GALNT18: variants seen among roughly 807,000 people sequenced by gnomAD.
The protein encoded by GALNT18 is polypeptide N-acetylgalactosaminyltransferase 18, also known as GalNAc-transferase 18.
GALNT18 carries 44 observed loss-of-function variants against 69.5 expected under a neutral mutation model. That is an observed-to-expected ratio of 0.63 (90% CI 0.50 to 0.81). GALNT18 has a LOEUF of 0.81. Among genes scored for constraint, GALNT18 ranks in the 40% least tolerant of loss-of-function variants. The pLI is 0.00. For missense variants in GALNT18, 715 were observed against 810.0 expected (o/e 0.88, Z 1.42); for synonymous variants, 364 against 318.2 (o/e 1.14, Z -1.53).
At chr11:11,324,247 G>A (rs190976199) in intron 9 of GALNT18, among the ~76,000 whole-genome samples, 64 of 152,302 alleles carry the variant, frequency 4.2e-4, no homozygotes, top group African/African-American at 1.4e-3. Context: ...TGCAGGCAAT[G>A]TCTACTAAAC....
In GALNT18 at chr11:11,353,260, C is replaced by T. The variant is rs577098272; in HGVS notation, c.1093-12256G>A. On this transcript the variant is annotated intron_variant, in intron 6 of 10. Transcript: ENST00000227756. ...GTGGAAGCGGCAGCGGCTGTGGCCGCTCTCCCTTCTGCTCACACAGACAAT... is the reference window on the plus strand; with the variant it reads ...GTGGAAGCGGCAGCGGCTGTGGCCGTTCTCCCTTCTGCTCACACAGACAAT... The T allele has an allele frequency of 7.0e-4, 712 of 1,013,660 alleles. 4 individuals carry two copies. The highest frequency in any genetic ancestry group is 3.8e-3 in the South Asian group (245 of 63,694). The allele number at this position is 1,013,660 out of a possible 1,614,324, so 62.8% of individuals were successfully genotyped here.
chr11:11,400,894 C>T (rs1854447958), intron 3 of GALNT18, among the ~76,000 whole-genome samples: 1 of 152,030 alleles, frequency 6.6e-6, no homozygotes, highest in Non-Finnish European at 1.5e-5. Flanking sequence ...GTATGCACCA[C>T]TGAGTTACTG....
At chr11:11,487,929 G>T (rs114639332) in intron 1 of GALNT18, among the ~76,000 whole-genome samples, 2,226 of 152,272 alleles carry the variant, frequency 0.015, 31 homozygotes, top group African/African-American at 0.031. Flanking sequence ...AGTGAATAAG[G>T]TGATGAAAAT....
rs547489125 is a variant in GALNT18, at chr11:11,336,801, G to C, written c.1279-3970C>G. ...TCGTAAACACTGTGTATACAAATAG[G>C]AATATGTCACACTCTCGGCCTGAAA... is the stretch of plus-strand genomic sequence containing the variant. On this transcript the variant is annotated intron_variant, in intron 7 of 10. Coordinates refer to ENST00000227756, the MANE Select transcript of GALNT18 (RefSeq NM_198516.3). Among the ~76,000 whole-genome samples the C allele has an allele frequency of 3.3e-3, 499 of 152,246 alleles. 4 individuals are homozygous for C. Among genetic ancestry groups the C allele is most frequent in the African/African-American group, 0.012 (478 of 41,534 alleles).
chr11:11,343,859 G>C (rs1190508556), intron 6 of GALNT18, among the ~76,000 whole-genome samples: 2 of 152,200 alleles, frequency 1.3e-5, no homozygotes, highest in African/African-American at 4.8e-5. Flanking sequence ...ATTCTAATCA[G>C]AATGGTGGTG....
chr11:11,273,791 C>T (rs189546712), intron 10 of GALNT18, among the ~76,000 whole-genome samples: 7 of 152,226 alleles, frequency 4.6e-5, no homozygotes, highest in Admixed American at 4.6e-4. Context: ...TGGAATCAAC[C>T]TAAGTATCCA....
chr11:11,286,745 T>C (rs1241374795), intron 10 of GALNT18, among the ~76,000 whole-genome samples: 3 of 152,146 alleles, frequency 2.0e-5, no homozygotes, highest in African/African-American at 7.2e-5. Flanking sequence ...CTCTAGTCTG[T>C]TGGCTGATGG....
intron 3 of GALNT18, among the ~76,000 whole-genome samples, chr11:11,390,965 C>G (rs1408365568): frequency 1.3e-5 from 2 of 152,224 alleles, no homozygotes; most frequent in African/African-American, 4.8e-5. Context: ...CAAGACAATG[C>G]CTGGCATGTT....
At chr11:11,612,461 T>C (rs569885884) in intron 1 of GALNT18, among the ~76,000 whole-genome samples, 15 of 152,362 alleles carry the variant, frequency 9.8e-5, no homozygotes, top group Admixed American at 7.8e-4. Context: ...CTAACTCTCA[T>C]ATCCATTGGC....
At position 11,619,643 on chromosome 11, in the gene GALNT18, T is replaced by C. The variant is rs556908719; in HGVS notation, c.235+1716A>G. ...CTGTGAATGAAAATCTCAAAATCTG[T>C]CGGCAAACTAGAAATGTCAAAGTAA... On this transcript the variant is annotated intron_variant, in intron 1 of 10. Transcript: ENST00000227756. This position sits in a 1 kb window ranked among gnomAD's most constrained non-coding sequence, Gnocchi z 4.9. Among the ~76,000 whole-genome samples, 1 of 152,280 alleles carries C rather than the reference T, an allele frequency of 6.6e-6. No homozygotes were observed. The highest frequency in any genetic ancestry group is 1.9e-4 in the East Asian group (1 of 5,180).
At position 11,436,506 on chromosome 11, in the gene GALNT18, C is replaced by T. The variant is rs79656635; in HGVS notation, c.429-3719G>A. On this transcript the variant is annotated intron_variant, in intron 2 of 10. Transcript: ENST00000227756. This position sits in a 1 kb window ranked among gnomAD's most constrained non-coding sequence, Gnocchi z 4.5. ...GCCTATACCACCAGCTCTGAGGGCACAGACTGGCCTTGCTCACAGCCTCCT... is the reference window on the plus strand; with the variant it reads ...GCCTATACCACCAGCTCTGAGGGCATAGACTGGCCTTGCTCACAGCCTCCT... Among the ~76,000 whole-genome samples the T allele has an allele frequency of 4.2e-3, 633 of 152,302 alleles. 2 individuals are homozygous for T. Among genetic ancestry groups the T allele is most frequent in the Non-Finnish European group, 5.8e-3 (392 of 68,028 alleles).
At chr11:11,565,223 G>A (rs1316546882) in intron 1 of GALNT18, among the ~76,000 whole-genome samples, 1 of 152,234 alleles carries the variant, frequency 6.6e-6, no homozygotes, top group Non-Finnish European at 1.5e-5. Flanking sequence ...GTGAGATGAT[G>A]CTCAGCACAC....
chr11:11,386,008 A>G (rs77130215), intron 3 of GALNT18, among the ~76,000 whole-genome samples: 2,054 of 152,234 alleles, frequency 0.013, 38 homozygotes, highest in African/African-American at 0.047. Context: ...CCTGTCAAAG[A>G]TGGCCAGCAA....
intron 3 of GALNT18, among the ~76,000 whole-genome samples, chr11:11,412,288 C>A (rs1040861793): frequency 2.0e-5 from 3 of 152,200 alleles, no homozygotes; most frequent in Admixed American, 6.5e-5. Context: ...TAGGGCCCTA[C>A]TAGACCCCTA....
rs1193139200 is a variant in GALNT18 at position 11,598,335 on chromosome 11, C to T, written c.235+23024G>A. 6.6e-6 allele frequency among the ~76,000 whole-genome samples: 1 copy of T among 152,136 alleles called. No homozygotes were observed. The highest frequency in any genetic ancestry group is 2.4e-5 in the African/African-American group (1 of 41,432). On this transcript the variant is annotated intron_variant, in intron 1 of 10. Transcript: ENST00000227756. The surrounding 1 kb of genome is among the most constrained non-coding windows in gnomAD (Gnocchi z 4.8). The stretch of plus-strand genomic sequence containing the variant: ...CCAGAAGTCCAAAATTAGTCTTACT[C>T]GAGGCAAAATCAAGGTGTCAGCAGG...
chr11:11,380,734 A>G (rs1467918556), intron 3 of GALNT18, among the ~76,000 whole-genome samples: 1 of 152,254 alleles, frequency 6.6e-6, no homozygotes, highest in African/African-American at 2.4e-5. Flanking sequence ...GAGTCAAAAC[A>G]AAGAATCTTA....
intron 1 of GALNT18, among the ~76,000 whole-genome samples, chr11:11,560,245 GATAT>G: frequency 6.6e-6 from 1 of 152,132 alleles, no homozygotes; most frequent in East Asian, 1.9e-4. Context: ...AATAGAATGA[GATAT>G]GATGGGATGG....
rs1360547721 is a variant in GALNT18, at chr11:11,596,141, T to C, written c.235+25218A>G. The stretch of plus-strand genomic sequence containing the variant: ...TCCAGCACCATGTGTTAAAAGACTA[T>C]TCTTTCCCCCCTTTAAATTGTTTGA... On this transcript the variant is annotated intron_variant, in intron 1 of 10. Transcript: ENST00000227756. The surrounding 1 kb of genome is among the most constrained non-coding windows in gnomAD (Gnocchi z 4.2). Among the ~76,000 whole-genome samples the C allele has an allele frequency of 1.3e-5, 2 of 152,204 alleles. No homozygotes were observed. Among genetic ancestry groups the C allele is most frequent in the Non-Finnish European group, 2.9e-5 (2 of 68,034 alleles).
chr11:11,609,377 G>A (rs1274961260), intron 1 of GALNT18, among the ~76,000 whole-genome samples: 3 of 152,174 alleles, frequency 2.0e-5, no homozygotes, highest in Non-Finnish European at 4.4e-5. Context: ...TGCACTGGCT[G>A]TTCCCTCCGC....
Sources: allele counts gnomAD v4.1 joint callset (sites outside exome capture counted in the v4.1 genomes callset), GRCh38; gene constraint gnomAD v4.1.1; non-coding constraint Gnocchi (gnomAD v3.1); transcripts MANE v1.5; gene names NCBI Gene and HGNC (gene_info 2026-07-23, HGNC 2026-07-21).